KNG1: variants seen among roughly 807,000 people sequenced by gnomAD.
KNG1 encodes kininogen 1, also known as kininogen-1.
Under a neutral mutation model 47.8 loss-of-function variants are expected in KNG1, and 23 were observed. The ratio of observed to expected loss-of-function variants is 0.48; its 90% CI spans 0.35 to 0.68. The LOEUF (loss-of-function observed/expected upper bound fraction) is 0.68. Among genes scored for constraint, KNG1 ranks in the 30% least tolerant of loss-of-function variants. The probability of loss-of-function intolerance (pLI) is 0.01; values close to 1 mark genes in which losing one functional copy is unlikely to be tolerated. For missense variants in KNG1, 762 were observed against 790.2 expected (o/e 0.96, Z 0.43); for synonymous variants, 277 against 277.0 (o/e 1.00, Z 0.00).
rs1339936547 is a variant in KNG1 at position 186,743,321 on chromosome 3, ACT to A, written c.*995_*996del. The A allele has an allele frequency of 3.1e-5, 6 of 192,100 alleles. No homozygotes were observed. The highest frequency in any genetic ancestry group is 6.5e-5 in the Non-Finnish European group (6 of 91,654). The allele number at this position is 192,100 out of a possible 1,614,324, so 11.9% of individuals were successfully genotyped here. On this transcript the variant is annotated 3_prime_UTR_variant, in exon 10 of 10. Transcript: ENST00000644859. Reference sequence around the variant, plus strand: ...TGTTCCGAAATTTTATGAGGAAATTACTCTCTAGTCTCACTTTATAGTCTTTT... The same window carrying A: ...TGTTCCGAAATTTTATGAGGAAATTACTCTAGTCTCACTTTATAGTCTTTT...
In KNG1 at chr3:186,742,585, A is replaced by C. The variant is rs1256407541; in HGVS notation, c.*254A>C. On this transcript the variant is annotated 3_prime_UTR_variant, in exon 10 of 10. Coordinates refer to ENST00000644859, the MANE Select transcript of KNG1 (RefSeq NM_001102416.3). ...CTAAACTAGCACAGTAAACAGACAA[A>C]CTAATGTGCCGTATGGCCTGCTGCA... 2.3e-6 allele frequency: 3 copies of C among 1,326,522 alleles called. No individual in the cohort carries two copies. In the African/African-American group the frequency reaches 4.4e-5, roughly 20 times the overall value. 82.2% of individuals were successfully genotyped at this position (1,326,522 alleles called of 1,614,324 possible). A position where few individuals can be genotyped will look rare whatever the true frequency, so the allele number is the denominator to read the frequency against.
Position 186,725,155 on chromosome 3 carries a change from C to G in KNG1, c.459C>G (p.Ser153Arg), listed in dbSNP as rs1560063156. 6.2e-7 allele frequency: 1 copy of G among 1,614,148 alleles called. No individual in the cohort carries two copies. The highest frequency in any genetic ancestry group is 8.5e-7 in the Non-Finnish European group (1 of 1,180,016). ...GTGTGCATCCTATATCAACGCAGAG[C>G]CCAGACCTGGAGCCCATTCTGAGAC... ...LGCVHPISTQSPDLEPILRHG... is the reference protein window; with the variant it reads ...LGCVHPISTQRPDLEPILRHG... Residue 153 changes from serine to arginine, a missense_variant, in exon 4 of 10, where the codon AGC becomes AGG. By Grantham distance (110) the Ser-to-Arg change is moderately radical. Coordinates refer to ENST00000644859, the MANE Select transcript of KNG1 (RefSeq NM_001102416.3).
intron 5 of KNG1, among the ~76,000 whole-genome samples, chr3:186,731,276 A>G (rs1720524871): frequency 6.6e-6 from 1 of 151,798 alleles, no homozygotes; most frequent in African/African-American, 2.4e-5. Context: ...ATTTTTTTAG[A>G]AATTTACCTT....
chr3:186,732,821 A>C, intron 7 of KNG1, 147 bp downstream of exon 7: 1 of 715,204 alleles, frequency 1.4e-6, no homozygotes, highest in Non-Finnish European at 2.5e-6. Flanking sequence ...TTAAGTGCCA[A>C]TCTCCCTGTA....
intron 9 of KNG1, among the ~76,000 whole-genome samples, chr3:186,740,399 A>G (rs192516236): frequency 6.6e-6 from 1 of 152,346 alleles, no homozygotes; most frequent in Admixed American, 6.5e-5. Context: ...TTTTACAGAA[A>G]GGAAAAGTGA....
intron 4 of KNG1, among the ~76,000 whole-genome samples, chr3:186,726,287 T>G (rs959658909): frequency 1.0e-5 from 1 of 97,782 alleles, no homozygotes; most frequent in African/African-American, 3.5e-5. Flanking sequence ...TTTTTTTTTT[T>G]TTTTTTTGTT....
chr3:186,725,404 C>G (rs986278339), intron 4 of KNG1, 144 bp downstream of exon 4: 1 of 765,658 alleles, frequency 1.3e-6, no homozygotes. Context: ...CAAAGTGAGT[C>G]GGATAGTGCA....
At chr3:186,720,561 A>C (rs1720162479) in intron 2 of KNG1, 2 of 339,336 alleles carry the variant, frequency 5.9e-6, no homozygotes, top group African/African-American at 4.2e-5. Flanking sequence ...GCACAACGTT[A>C]AGTGCAAATC....
rs766671366 is a variant in KNG1 at position 186,739,070 on chromosome 3, C to T, written c.931-29C>T. The T allele has an allele frequency of 6.7e-6, 10 of 1,482,382 alleles. 1 individual carries two copies. Among genetic ancestry groups the T allele is most frequent in the South Asian group, 5.7e-5 (5 of 87,952 alleles). 91.8% of individuals were successfully genotyped at this position (1,482,382 alleles called of 1,614,324 possible). A position where few individuals can be genotyped will look rare whatever the true frequency, so the allele number is the denominator to read the frequency against. On this transcript the variant is annotated intron_variant, in intron 7 of 9. Transcript: ENST00000644859. ...GATTTATTATGCAAATATTTTTAAG[C>T]GTTTACTTTGTACTAATTAATTTTT...
At position 186,743,577 on chromosome 3, in the gene KNG1, T is replaced by C; in HGVS notation, c.*1246T>C. 2 of 708,374 alleles carry C rather than the reference T, an allele frequency of 2.8e-6. No homozygotes were observed. Among genetic ancestry groups the C allele is most frequent in the East Asian group, 2.7e-5 (1 of 36,882 alleles). The allele number at this position is 708,374 out of a possible 1,614,324, so 43.9% of individuals were successfully genotyped here. On this transcript the variant is annotated 3_prime_UTR_variant, in exon 10 of 10. Transcript: ENST00000644859. ...CTGAGTTTGTCTTTCATTTTAAATA[T>C]TGTCTGTTCTTTTAAATAAACAACC...
At chr3:186,739,235 T>TC in intron 8 of KNG1, 29 bp downstream of exon 8, 2 of 1,592,240 alleles carry the variant, frequency 1.3e-6, no homozygotes, top group Non-Finnish European at 1.7e-6. Context: ...GTCTACTTTT[T>TC]CACTGGAAGC....
chr3:186,720,836 C>G (rs1479737075), intron 2 of KNG1, among the ~76,000 whole-genome samples: 1 of 124,904 alleles, frequency 8.0e-6, no homozygotes, highest in Non-Finnish European at 1.6e-5. Flanking sequence ...GTCGCTCAGG[C>G]TGGAGTGCAG....
At chr3:186,723,236 C>G (rs962561661) in intron 3 of KNG1, among the ~76,000 whole-genome samples, 1 of 152,058 alleles carries the variant, frequency 6.6e-6, no homozygotes, top group Non-Finnish European at 1.5e-5. Flanking sequence ...TATCCATCAC[C>G]TGGAATAGTT....
rs980685351 is a variant in KNG1 at position 186,717,675 on chromosome 3, A to G, written c.133A>G (p.Asn45Asp). 2.0e-5 allele frequency: 33 copies of G among 1,613,032 alleles called. No homozygotes were observed. Among genetic ancestry groups the G allele is most frequent in the Non-Finnish European group, 2.5e-5 (30 of 1,179,834 alleles). The change falls in exon 1 of 10, where the codon AAC (asparagine) becomes GAC (aspartate). Residue 45 changes from asparagine to aspartate, a missense_variant. Asn to Asp is a conservative substitution (Grantham distance 23). Coordinates refer to ENST00000644859, the MANE Select transcript of KNG1 (RefSeq NM_001102416.3). Reference sequence around the variant, plus strand: ...TGTGGATGCTGCTCTGAAGAAATATAACAGTCAAAACCAAAGTAACAACCA... The same window carrying G: ...TGTGGATGCTGCTCTGAAGAAATATGACAGTCAAAACCAAAGTAACAACCA... Reference protein sequence around the residue: ...KAVDAALKKYNSQNQSNNQFV... With the variant: ...KAVDAALKKYDSQNQSNNQFV...
intron 4 of KNG1, among the ~76,000 whole-genome samples, chr3:186,725,739 A>G (rs1380929414): frequency 1.3e-5 from 2 of 150,314 alleles, no homozygotes; most frequent in Non-Finnish European, 3.0e-5. Context: ...TTTTTAGTAG[A>G]GGCGGGGTTT....
In KNG1 at chr3:186,725,159, G is replaced by C. The variant is rs2108623070; in HGVS notation, c.463G>C (p.Asp155His). Residue 155 changes from aspartate to histidine, a missense_variant, in exon 4 of 10, where the codon GAC becomes CAC. Physicochemically the swap from Asp to His is moderately conservative, Grantham distance 81 (BLOSUM62 -1). Coordinates refer to ENST00000644859, the MANE Select transcript of KNG1 (RefSeq NM_001102416.3). Reference sequence around the variant, plus strand: ...GCATCCTATATCAACGCAGAGCCCAGACCTGGAGCCCATTCTGAGACACGG... The same window carrying C: ...GCATCCTATATCAACGCAGAGCCCACACCTGGAGCCCATTCTGAGACACGG... ...CVHPISTQSP[D>H]LEPILRHGIQ... 2 of 1,614,158 alleles carry C rather than the reference G, an allele frequency of 1.2e-6. No individual in the cohort carries two copies. Among genetic ancestry groups the C allele is most frequent in the South Asian group, 2.2e-5 (2 of 91,088 alleles).
At chr3:186,720,054 T>G in intron 1 of KNG1, 51 bp from the exon 2 acceptor site, 1 of 1,143,922 alleles carries the variant, frequency 8.7e-7, no homozygotes, top group South Asian at 1.2e-5. Context: ...CTAGAATTAT[T>G]TGCTGTTGGG....
intron 5 of KNG1, among the ~76,000 whole-genome samples, chr3:186,730,300 C>T (rs2108627877): frequency 6.6e-6 from 1 of 151,926 alleles, no homozygotes; most frequent in East Asian, 1.9e-4. Context: ...AGAACATACC[C>T]TGTATTGTTT....
Position 186,742,277 on chromosome 3 carries a change from A to G in KNG1, c.1881A>G (p.Pro627=), listed in dbSNP as rs746873528. Residue 627 remains proline (P), a synonymous_variant, in exon 10 of 10, where the codon CCA becomes CCG. Transcript: ENST00000644859. ...RPWKSVSEIN[P]TTQMKESYYF... ...GGAAGTCAGTTAGTGAAATTAATCC[A>G]ACCACACAAATGAAAGAATCTTATT... 1.9e-6 allele frequency: 3 copies of G among 1,614,198 alleles called. No individual in the cohort carries two copies. The highest frequency in any genetic ancestry group is 2.5e-6 in the Non-Finnish European group (3 of 1,180,040).
Sources: allele counts gnomAD v4.1 joint callset (sites outside exome capture counted in the v4.1 genomes callset), GRCh38; gene constraint gnomAD v4.1.1; transcripts MANE v1.5; gene names NCBI Gene and HGNC (gene_info 2026-07-23, HGNC 2026-07-21).